The following TM2D1 variants were observed in gnomAD, a reference collection of about 807,000 sequenced individuals.
TM2D1 encodes TM2 domain containing 1.
A neutral mutation model predicts 28.4 loss-of-function variants in TM2D1; 15 were observed. The ratio of observed to expected loss-of-function variants is 0.53; its 90% confidence interval spans 0.35 to 0.81. The LOEUF is 0.81. TM2D1 is among the 40% of genes least tolerant of loss of function. TM2D1 has a pLI of 0.01. For synonymous variants in TM2D1, 93 were observed against 96.2 expected (o/e 0.97, Z 0.20); for missense variants, 236 against 254.9 (o/e 0.93, Z 0.50).
chr1:61,686,706 C>A, intron 5 of TM2D1: 1 of 656,598 alleles, frequency 1.5e-6, no homozygotes, highest in Non-Finnish European at 1.9e-6. Context: ...TTTAAGCACC[C>A]ACATACACAT....
Position 61,725,097 on chromosome 1 carries a change from A to C in TM2D1, c.24T>G (p.Gly8=). The change falls in exon 1 of 7, where the codon GGT becomes GGG. Residue 8 remains glycine (G), a synonymous_variant. Transcript: ENST00000606498. ...CCGTCACGGCCTCCGGAGCAGACGG[A>C]CCAGACGGCCAGGCGGCCGCCATCT... MAAAWPS[G]PSAPEAVTAR... The C allele has an allele frequency of 1.2e-6, 2 of 1,613,688 alleles. No homozygotes were observed. Among genetic ancestry groups the C allele is most frequent in the South Asian group, 1.1e-5 (1 of 91,086 alleles).
At chr1:61,719,761 C>A (rs1053151530) in intron 2 of TM2D1, among the ~76,000 whole-genome samples, 3 of 152,174 alleles carry the variant, frequency 2.0e-5, no homozygotes, top group Non-Finnish European at 4.4e-5. Flanking sequence ...TCCCCAAGTG[C>A]TGAGATTACA....
intron 5 of TM2D1, among the ~76,000 whole-genome samples, chr1:61,688,725 C>A (rs991560281): frequency 1.2e-4 from 16 of 134,528 alleles, no homozygotes; most frequent in Admixed American, 8.5e-4. Flanking sequence ...TCTGTCCCCC[C>A]ACCGCCCCCC....
intron 4 of TM2D1, among the ~76,000 whole-genome samples, chr1:61,695,475 G>C (rs1187038754): frequency 6.6e-6 from 1 of 151,998 alleles, no homozygotes; most frequent in Non-Finnish European, 1.5e-5. Flanking sequence ...GGCAGATTGG[G>C]GGTGGGCTGG....
chr1:61,712,763 A>G (rs1414309387), intron 2 of TM2D1, among the ~76,000 whole-genome samples: 1 of 152,208 alleles, frequency 6.6e-6, no homozygotes, highest in Admixed American at 6.6e-5. Context: ...CACTCTTCAA[A>G]GTGGACTCTA....
chr1:61,681,561 AT>A (rs1421667235), intron 6 of TM2D1, among the ~76,000 whole-genome samples: 1 of 152,214 alleles, frequency 6.6e-6, no homozygotes, highest in Admixed American at 6.5e-5. Context: ...TCAAATCTGA[AT>A]CTGGAATCCC....
intron 4 of TM2D1, chr1:61,700,338 G>A: frequency 7.3e-7 from 1 of 1,378,062 alleles, no homozygotes. Flanking sequence ...ATAAGGGCAG[G>A]CATGTGAAAG....
At chr1:61,722,172 G>C (rs1644572830) in intron 2 of TM2D1, among the ~76,000 whole-genome samples, 1 of 151,974 alleles carries the variant, frequency 6.6e-6, no homozygotes, top group Non-Finnish European at 1.5e-5. Context: ...TGTAGTCCCA[G>C]CTACTCCAGA....
intron 5 of TM2D1, among the ~76,000 whole-genome samples, chr1:61,685,701 T>C (rs1458858256): frequency 6.6e-6 from 1 of 152,220 alleles, no homozygotes; most frequent in African/African-American, 2.4e-5. Flanking sequence ...AAAGATTAAA[T>C]TGATTTGGCT....
intron 5 of TM2D1, among the ~76,000 whole-genome samples, chr1:61,687,204 C>G (rs1644290844): frequency 6.6e-6 from 1 of 151,748 alleles, no homozygotes; most frequent in African/African-American, 2.4e-5. Context: ...TTAGAACAGG[C>G]AAATTAAAAA....
At chr1:61,687,788 C>G (rs567963290) in intron 5 of TM2D1, among the ~76,000 whole-genome samples, 3 of 152,268 alleles carry the variant, frequency 2.0e-5, no homozygotes, top group Non-Finnish European at 4.4e-5. Context: ...AGAATGCCAA[C>G]AGTAACATCA....
rs372226143 is a variant in TM2D1, at chr1:61,713,884, CTTTTTTTTTTT to C, written c.239-4458_239-4448del. ...CAAAACTTTTAAAAACCAAATATTT[CTTTTTTTTTTT>C]TTTTTTTTTTTGAGACGGAGTCTCG... On this transcript the variant is annotated intron_variant, in intron 2 of 6. Transcript: ENST00000606498. Among the ~76,000 whole-genome samples the C allele has an allele frequency of 5.3e-4, 56 of 106,230 alleles. 1 individual carries two copies. The highest frequency in any genetic ancestry group is 1.7e-3 in the African/African-American group (51 of 29,798). The allele number at this position is 106,230 out of a possible 152,430, so 69.7% of individuals were successfully genotyped here.
At chr1:61,715,335 T>C (rs1353255999) in intron 2 of TM2D1, among the ~76,000 whole-genome samples, 1 of 152,030 alleles carries the variant, frequency 6.6e-6, no homozygotes, top group Non-Finnish European at 1.5e-5. Flanking sequence ...ATCTGTGACA[T>C]GGGACATATC....
intron 2 of TM2D1, among the ~76,000 whole-genome samples, chr1:61,717,519 C>T (rs1296956403): frequency 6.6e-6 from 1 of 152,118 alleles, no homozygotes; most frequent in Non-Finnish European, 1.5e-5. Flanking sequence ...ATATCAATTC[C>T]AGCCAATAAC....
At chr1:61,703,718 TTA>T (rs56267637) in intron 3 of TM2D1, among the ~76,000 whole-genome samples, 6,088 of 98,656 alleles carry the variant, frequency 0.062, 203 homozygotes, top group South Asian at 0.091. Flanking sequence ...TAGCCAATCT[TTA>T]TATATATATA....
At chr1:61,713,663 C>T (rs990858111) in intron 2 of TM2D1, among the ~76,000 whole-genome samples, 1 of 151,982 alleles carries the variant, frequency 6.6e-6, no homozygotes, top group African/African-American at 2.4e-5. Flanking sequence ...AAGTATCTAC[C>T]TTGCACTTGC....
chr1:61,691,813 G>A (rs1644326864), intron 5 of TM2D1, among the ~76,000 whole-genome samples: 1 of 150,192 alleles, frequency 6.7e-6, no homozygotes, highest in African/African-American at 2.4e-5. Flanking sequence ...TACTCAGGAG[G>A]CTGAGGCAGG....
chr1:61,723,255 T>C (rs556852576), intron 2 of TM2D1, among the ~76,000 whole-genome samples: 1 of 152,254 alleles, frequency 6.6e-6, no homozygotes, highest in East Asian at 1.9e-4. Context: ...ACATAAACGA[T>C]AGTGATGAAG....
chr1:61,691,893 C>A (rs534379946), intron 5 of TM2D1, among the ~76,000 whole-genome samples: 10 of 116,326 alleles, frequency 8.6e-5, no homozygotes, highest in Admixed American at 7.5e-4. Context: ...CCAGCCTGGG[C>A]GACGAAAACT....
Sources: allele counts gnomAD v4.1 joint callset (sites outside exome capture counted in the v4.1 genomes callset), GRCh38; gene constraint gnomAD v4.1.1; transcripts MANE v1.5; gene names NCBI Gene and HGNC (gene_info 2026-07-23, HGNC 2026-07-21).